Variants in LYRM4 observed in about 807,000 individuals in gnomAD.
LYRM4 encodes LYR motif-containing protein 4.
Under a neutral mutation model 11.7 loss-of-function variants are expected in LYRM4, and 9 were observed. That is an observed-to-expected ratio of 0.77 (90% confidence interval 0.46 to 1.34). LYRM4 has a LOEUF of 1.34. Among genes scored for constraint, LYRM4 ranks in the 40% most tolerant of loss-of-function variants. LYRM4 has a pLI of 0.00. For missense variants in LYRM4, 133 were observed against 112.5 expected, an observed-to-expected ratio of 1.18 and a Z score of -0.82; for synonymous variants, 42 against 40.4, an observed-to-expected ratio of 1.04 and a Z score of -0.15.
intron 1 of LYRM4, among the ~76,000 whole-genome samples, chr6:5,246,996 A>G (rs562620222): frequency 2.0e-4 from 30 of 152,292 alleles, no homozygotes; most frequent in African/African-American, 7.2e-4. Context: ...CAGAGCCTCA[A>G]GTGAAAACAG....
intron 2 of LYRM4, among the ~76,000 whole-genome samples, chr6:5,211,835 T>C (rs1561873745): frequency 6.6e-6 from 1 of 152,256 alleles, no homozygotes. Context: ...TTGCTGAATA[T>C]TCCTGAAATC....
intron 2 of LYRM4, among the ~76,000 whole-genome samples, chr6:5,111,215 A>T (rs1322881683): frequency 1.6e-5 from 2 of 122,384 alleles, no homozygotes; most frequent in African/African-American, 6.2e-5. Context: ...AATGATCCTT[A>T]AAAAAAAGGG....
intron 2 of LYRM4, among the ~76,000 whole-genome samples, chr6:5,112,066 G>C (rs73361306): frequency 0.12 from 17,751 of 152,214 alleles, 1,181 homozygotes; most frequent in African/African-American, 0.18. Context: ...ATGTGTTGCA[G>C]TAGCAGGAGG....
At position 5,206,810 on chromosome 6, in the gene LYRM4, G is replaced by A. The variant is rs1761722996; in HGVS notation, c.207+9808C>T. 2.0e-5 allele frequency among the ~76,000 whole-genome samples: 3 copies of A among 152,004 alleles called. No individual in the cohort carries two copies. The South Asian group carries it at 6.3e-4, about 32-fold the overall frequency. On this transcript the variant is annotated intron_variant, in intron 2 of 2. Coordinates refer to ENST00000330636, the MANE Select transcript of LYRM4 (RefSeq NM_020408.6). The stretch of plus-strand genomic sequence containing the variant: ...CACTAGCATTATTTAATCAAACTAA[G>A]GGCATTCTGGTACCACATTTTAGAG...
intron 2 of LYRM4, among the ~76,000 whole-genome samples, chr6:5,117,156 C>G (rs753839155): frequency 6.6e-6 from 1 of 152,216 alleles, no homozygotes; most frequent in Non-Finnish European, 1.5e-5. Flanking sequence ...TATGAAATGT[C>G]CTAACGCTAC....
chr6:5,130,924 G>A lies in LYRM4; in HGVS notation c.208-21433C>T, dbSNP rs968634518. 2.2e-4 allele frequency among the ~76,000 whole-genome samples: 33 copies of A among 151,996 alleles called. 1 individual carries two copies. The highest frequency in any genetic ancestry group is 8.0e-4 in the African/African-American group (33 of 41,380). ...AAAACCATTAAAAATAAGGAAAAGA[G>A]AGAACCAACTAAAATACATAATAAC... On this transcript the variant is annotated intron_variant, in intron 2 of 2. Transcript: ENST00000330636.
Position 5,162,505 on chromosome 6 carries a change from G to GAC in LYRM4, c.208-53015_208-53014insGT, listed in dbSNP as rs1561840874. Among the ~76,000 whole-genome samples the GAC allele has an allele frequency of 7.5e-5, 11 of 146,124 alleles. 1 individual carries two copies. Among genetic ancestry groups the GAC allele is most frequent in the African/African-American group, 2.9e-4 (11 of 38,226 alleles). On this transcript the variant is annotated intron_variant, in intron 2 of 2. Coordinates refer to ENST00000330636, the MANE Select transcript of LYRM4 (RefSeq NM_020408.6). Reference sequence around the variant, plus strand: ...GGAGCGACAGAGAGCGAGCGAGAGAGAGAGAGAGAGAGAGAGAAAGAGAAA... The same window carrying GAC: ...GGAGCGACAGAGAGCGAGCGAGAGAGACAGAGAGAGAGAGAGAGAAAGAGAAA...
chr6:5,078,071 C>T, the LYRM4 span, among the ~76,000 whole-genome samples: 1 of 152,086 alleles, frequency 6.6e-6, no homozygotes, highest in Admixed American at 6.5e-5. Flanking sequence ...CAAGATTATG[C>T]AAATCATGTT....
chr6:5,246,891 C>T (rs1429979971), intron 1 of LYRM4, among the ~76,000 whole-genome samples: 2 of 151,946 alleles, frequency 1.3e-5, no homozygotes, highest in Non-Finnish European at 2.9e-5. Flanking sequence ...ATTGAAACCA[C>T]GGAATGTGAT....
chr6:5,241,995 C>A (rs1190725493), intron 1 of LYRM4, among the ~76,000 whole-genome samples: 1 of 152,086 alleles, frequency 6.6e-6, no homozygotes, highest in African/African-American at 2.4e-5. Flanking sequence ...TTACTACTAC[C>A]TTAATCTGTA....
chr6:5,195,992 C>T (rs1474258073), intron 2 of LYRM4, among the ~76,000 whole-genome samples: 1 of 152,134 alleles, frequency 6.6e-6, no homozygotes, highest in African/African-American at 2.4e-5. Context: ...TTAGTATGCC[C>T]CAAGCATCAT....
chr6:5,260,069 G>A (rs992153734), intron 1 of LYRM4, among the ~76,000 whole-genome samples: 3 of 152,206 alleles, frequency 2.0e-5, no homozygotes, highest in African/African-American at 4.8e-5. Context: ...TGAGCCAGGA[G>A]AAACTGAGGT....
chr6:5,073,140 C>T, the LYRM4 span, among the ~76,000 whole-genome samples: 3 of 152,044 alleles, frequency 2.0e-5, no homozygotes, highest in South Asian at 2.1e-4. Flanking sequence ...TTTGGGAGGC[C>T]GAGGCGGGCA....
At chr6:5,251,526 A>AAG (rs1764428490) in intron 1 of LYRM4, among the ~76,000 whole-genome samples, 1 of 152,168 alleles carries the variant, frequency 6.6e-6, no homozygotes, top group Non-Finnish European at 1.5e-5. Context: ...AGCAGGAGCA[A>AAG]GCAAGCGAGG....
rs527423197 is a variant in LYRM4, at chr6:5,119,269, G to A, written c.208-9778C>T. Among the ~76,000 whole-genome samples the A allele has an allele frequency of 1.1e-4, 17 of 152,162 alleles. No homozygotes were observed. The South Asian group carries it at 1.5e-3, about 13-fold the overall frequency. On this transcript the variant is annotated intron_variant, in intron 2 of 2. Transcript: ENST00000330636. ...TCACAGTTAATAATTAATATGTTTC[G>A]TCTTTGCTTGTTGGGACAAGAGAGA... is the stretch of plus-strand genomic sequence containing the variant.
At chr6:5,244,310 T>C (rs1581590172) in intron 1 of LYRM4, among the ~76,000 whole-genome samples, 1 of 152,224 alleles carries the variant, frequency 6.6e-6, no homozygotes, top group South Asian at 2.1e-4. Context: ...GTTCTGTAGG[T>C]TGGGTGTACT....
chr6:5,138,693 C>T lies in LYRM4; in HGVS notation c.208-29202G>A, dbSNP rs1039213853. 16 of 1,524,964 alleles carry T rather than the reference C, an allele frequency of 1.0e-5. No homozygotes were observed. The Admixed American group carries it at 3.0e-4, about 29-fold the overall frequency. The allele number at this position is 1,524,964 out of a possible 1,614,324, so 94.5% of individuals were successfully genotyped here. A position where few individuals can be genotyped will look rare whatever the true frequency, so the allele number is the denominator to read the frequency against. ...GAAAACACAAGAAAATATCAAGATG[C>T]AATAGAAAACAAACCTGGTGGCAGA... On this transcript the variant is annotated intron_variant, in intron 2 of 2. Transcript: ENST00000330636.
downstream of LYRM4, chr6:5,108,384 TC>T (rs1276102743): frequency 3.2e-6 from 3 of 930,128 alleles, no homozygotes; most frequent in Non-Finnish European, 3.8e-6. Flanking sequence ...TTTAATATGT[TC>T]TTTCTATGTT....
intron 2 of LYRM4, among the ~76,000 whole-genome samples, chr6:5,170,562 G>A (rs1159060839): frequency 6.6e-6 from 1 of 152,020 alleles, no homozygotes; most frequent in African/African-American, 2.4e-5. Context: ...GTGCAGTGGC[G>A]CGATCTCGGC....
Sources: allele counts gnomAD v4.1 joint callset (sites outside exome capture counted in the v4.1 genomes callset), GRCh38; gene constraint gnomAD v4.1.1; transcripts MANE v1.5; gene names NCBI Gene and HGNC (gene_info 2026-07-23, HGNC 2026-07-21).